SHTN1: variants seen among roughly 807,000 people sequenced by gnomAD.
SHTN1 encodes the protein shootin-1.
A neutral mutation model predicts 83.1 loss-of-function variants in SHTN1; 42 were observed. The ratio of observed to expected loss-of-function variants is 0.51; its 90% CI spans 0.39 to 0.65. SHTN1 has a LOEUF of 0.65. Ranked by LOEUF, SHTN1 falls within the 30% of genes least tolerant of loss-of-function variation. The pLI, the probability that SHTN1 is intolerant of heterozygous loss-of-function variation, is 0.00. For synonymous variants in SHTN1, 224 were observed against 247.7 expected (o/e 0.90, Z 0.90); for missense variants, 622 against 737.8 (o/e 0.84, Z 1.82).
upstream of SHTN1, among the ~76,000 whole-genome samples, chr10:117,007,554 CAAAAAAA>C (rs35941784): frequency 3.7e-4 from 6 of 16,370 alleles, no homozygotes; most frequent in South Asian, 2.8e-3. Context: ...GACTCCATCT[CAAAAAAA>C]AAAAAAAAAA....
At chr10:116,981,422 C>A (rs890437806) in intron 1 of SHTN1, among the ~76,000 whole-genome samples, 8 of 152,162 alleles carry the variant, frequency 5.3e-5, no homozygotes, top group African/African-American at 1.9e-4. Context: ...CCACACGCAC[C>A]GCAAGAACTA....
chr10:117,067,429 T>C (rs980729868), intron 1 of SHTN1, among the ~76,000 whole-genome samples: 1 of 152,042 alleles, frequency 6.6e-6, no homozygotes, highest in Non-Finnish European at 1.5e-5. Flanking sequence ...CCGTCTCTAC[T>C]AAAAGAAATA....
intron 8 of SHTN1, among the ~76,000 whole-genome samples, chr10:116,944,312 T>A (rs1849494728): frequency 1.3e-5 from 2 of 152,212 alleles, no homozygotes; most frequent in Non-Finnish European, 2.9e-5. Flanking sequence ...AACACTTTTT[T>A]TAAATTTTGC....
chr10:116,985,641 T>A (rs1851193503), intron 1 of SHTN1, among the ~76,000 whole-genome samples: 2 of 152,172 alleles, frequency 1.3e-5, no homozygotes, highest in South Asian at 4.1e-4. Flanking sequence ...ATATATTGTA[T>A]CAAGATACTT....
intron 1 of SHTN1, among the ~76,000 whole-genome samples, chr10:117,125,523 T>C (rs529282644): frequency 2.0e-5 from 3 of 152,254 alleles, no homozygotes; most frequent in South Asian, 4.2e-4. Flanking sequence ...ATCGTTACCC[T>C]GCCCAAAACC....
intron 2 of SHTN1, among the ~76,000 whole-genome samples, chr10:117,041,117 G>T (rs935715890): frequency 6.6e-6 from 1 of 151,230 alleles, no homozygotes; most frequent in Non-Finnish European, 1.5e-5. Context: ...CCCACAACAG[G>T]CCCCGGTGTT....
At chr10:116,999,923 A>G (rs565062450) in intron 1 of SHTN1, among the ~76,000 whole-genome samples, 1 of 152,234 alleles carries the variant, frequency 6.6e-6, no homozygotes, top group East Asian at 1.9e-4. Context: ...AAATAAATAA[A>G]TACATAAATA....
intron 5 of SHTN1, among the ~76,000 whole-genome samples, chr10:116,953,618 G>GTGT (rs1849856078): frequency 1.2e-5 from 1 of 82,002 alleles, no homozygotes; most frequent in African/African-American, 3.4e-5. Flanking sequence ...TCAGTTTTGT[G>GTGT]TTTTGTTTTT....
intron 2 of SHTN1, among the ~76,000 whole-genome samples, chr10:117,043,035 A>G (rs1315636336): frequency 6.6e-6 from 1 of 152,216 alleles, no homozygotes; most frequent in East Asian, 1.9e-4. Flanking sequence ...GAAGGACACC[A>G]TAAGTCTATT....
At chr10:116,995,041 T>C (rs1851579879) in intron 1 of SHTN1, among the ~76,000 whole-genome samples, 1 of 152,146 alleles carries the variant, frequency 6.6e-6, no homozygotes, top group African/African-American at 2.4e-5. Flanking sequence ...TTATGTTAAA[T>C]TGTTATATCT....
intron 15 of SHTN1, among the ~76,000 whole-genome samples, chr10:116,902,609 C>A (rs1192888754): frequency 2.6e-5 from 4 of 152,298 alleles, no homozygotes; most frequent in African/African-American, 9.6e-5. Context: ...GCATATCAAT[C>A]TAAAAATTCT....
At chr10:116,912,357 G>C (rs1235509564) in intron 13 of SHTN1, among the ~76,000 whole-genome samples, 1 of 152,184 alleles carries the variant, frequency 6.6e-6, no homozygotes, top group Non-Finnish European at 1.5e-5. Context: ...TTTCACAAGA[G>C]GACAGAGTCG....
intron 15 of SHTN1, 99 bp from the exon 16 acceptor site, chr10:116,902,056 A>G: frequency 5.6e-6 from 6 of 1,075,972 alleles, no homozygotes; most frequent in Non-Finnish European, 7.9e-6. Flanking sequence ...CAAGAAGTGA[A>G]AAGGCCAAGT....
intron 9 of SHTN1, among the ~76,000 whole-genome samples, chr10:116,938,187 TG>T (rs1849241841): frequency 6.6e-6 from 1 of 152,054 alleles, no homozygotes; most frequent in African/African-American, 2.4e-5. Context: ...ACTCATTCTT[TG>T]TCCAGTTTTG....
chr10:116,968,955 A>ATC (rs1233880074), intron 2 of SHTN1, among the ~76,000 whole-genome samples: 1 of 152,206 alleles, frequency 6.6e-6, no homozygotes, highest in African/African-American at 2.4e-5. Context: ...CCTGCTCATT[A>ATC]TCTCCTCAGT....
intron 2 of SHTN1, among the ~76,000 whole-genome samples, chr10:117,015,303 TTTTG>T (rs1323530314): frequency 1.3e-5 from 2 of 152,130 alleles, no homozygotes; most frequent in African/African-American, 2.4e-5. Flanking sequence ...TAGTAATTTT[TTTTG>T]TTTGTTTTGG....
intron 3 of SHTN1, among the ~76,000 whole-genome samples, chr10:116,960,967 T>C (rs1850164151): frequency 1.3e-5 from 2 of 152,108 alleles, no homozygotes; most frequent in South Asian, 2.1e-4. Context: ...TAAATTGAGA[T>C]TTACAGGTAT....
intron 9 of SHTN1, among the ~76,000 whole-genome samples, chr10:116,935,182 C>A (rs907674478): frequency 6.6e-6 from 1 of 152,202 alleles, no homozygotes; most frequent in Non-Finnish European, 1.5e-5. Flanking sequence ...ATTGCCCTGG[C>A]AAGAACTTCC....
intron 12 of SHTN1, among the ~76,000 whole-genome samples, chr10:116,917,433 T>C (rs1848417835): frequency 6.6e-6 from 1 of 152,128 alleles, no homozygotes; most frequent in Non-Finnish European, 1.5e-5. Context: ...GCCTCTCGAG[T>C]AGCTGGGATT....
Sources: allele counts gnomAD v4.1 joint callset (sites outside exome capture counted in the v4.1 genomes callset), GRCh38; gene constraint gnomAD v4.1.1; transcripts MANE v1.5; gene names NCBI Gene and HGNC (gene_info 2026-07-23, HGNC 2026-07-21).